The following SERPINA4 variants were observed in gnomAD, a reference collection of about 807,000 sequenced individuals.
The protein encoded by SERPINA4 is kallistatin.
In SERPINA4, 24 loss-of-function variants were observed where a neutral mutation model predicts 25.4. The ratio of observed to expected loss-of-function variants is 0.95; its 90% CI spans 0.69 to 1.33. The LOEUF is 1.33. Among genes scored for constraint, SERPINA4 ranks in the 40% most tolerant of loss-of-function variants. SERPINA4 has a pLI of 0.00. For synonymous variants in SERPINA4, 242 were observed against 223.6 expected (o/e 1.08, Z -0.73); for missense variants, 553 against 535.8 (o/e 1.03, Z -0.32).
intron 4 of SERPINA4, among the ~76,000 whole-genome samples, chr14:94,568,785 C>A (rs1259542680): frequency 6.6e-6 from 1 of 150,766 alleles, no homozygotes; most frequent in Admixed American, 6.6e-5. Flanking sequence ...TTGCTTGAGC[C>A]TGGGAGGCAG....
At chr14:94,567,951 C>T (rs926020689) in intron 3 of SERPINA4, among the ~76,000 whole-genome samples, 178 bp from the exon 4 acceptor site, 3 of 152,200 alleles carry the variant, frequency 2.0e-5, no homozygotes, top group Admixed American at 6.5e-5. Context: ...GGCCTGGGTA[C>T]AAAGGAACCT....
chr14:94,563,944 A>C lies in SERPINA4; in HGVS notation c.462A>C (p.Lys154Asn), dbSNP rs1377144009. Residue 154 changes from lysine (K) to asparagine (N), a missense_variant, in exon 2 of 5, where the codon AAA becomes AAC. By Grantham distance (94) the Lys-to-Asn change is moderately conservative (BLOSUM62 0). Transcript: ENST00000557004. ...FLSHNLKFLA[K>N]FLNDTMAVYE... ...GCCACAACCTGAAGTTCCTTGCAAAATTCCTGAATGACACCATGGCCGTCT... is the reference window on the plus strand; with the variant it reads ...GCCACAACCTGAAGTTCCTTGCAAACTTCCTGAATGACACCATGGCCGTCT... 6.2e-7 allele frequency: 1 copy of C among 1,614,190 alleles called. No homozygotes were observed. The highest frequency in any genetic ancestry group is 1.3e-5 in the African/African-American group (1 of 75,036).
intron 3 of SERPINA4, among the ~76,000 whole-genome samples, chr14:94,567,510 G>A (rs1272405880): frequency 6.6e-6 from 1 of 152,162 alleles, no homozygotes; most frequent in African/African-American, 2.4e-5. Context: ...CACAAGACTT[G>A]GGTCAAGTGA....
intron 1 of SERPINA4, 151 bp downstream of exon 1, chr14:94,561,645 C>G: frequency 1.6e-6 from 2 of 1,283,168 alleles, no homozygotes; most frequent in Non-Finnish European, 2.0e-6. Flanking sequence ...CTTTGTCACT[C>G]TTGCTAGAGG....
rs772158328 is a variant in SERPINA4 at position 94,567,232 on chromosome 14, G to A, written c.912G>A (p.Leu304=). Residue 304 remains leucine, a synonymous_variant, in exon 3 of 5, where the codon TTG becomes TTA. Transcript: ENST00000557004. ...AGATGCTAATGAGGTGGAACAACTT[G>A]TTGCGGAAGAGGTAATCAGTGTGCT... ...TPEMLMRWNN[L]LRKRNFYKKL... is the part of the protein sequence containing the mutation. 1.2e-6 allele frequency: 2 copies of A among 1,613,290 alleles called. No individual in the cohort carries two copies. The highest frequency in any genetic ancestry group is 2.7e-5 in the African/African-American group (2 of 74,922).
chr14:94,562,226 T>C (rs555437095), intron 1 of SERPINA4, among the ~76,000 whole-genome samples: 44 of 151,910 alleles, frequency 2.9e-4, no homozygotes, highest in African/African-American at 1.0e-3. Context: ...CACAGCAGAG[T>C]TGGGTAGTGG....
intron 3 of SERPINA4, among the ~76,000 whole-genome samples, chr14:94,567,769 T>C (rs1902265513): frequency 6.6e-6 from 1 of 152,110 alleles, no homozygotes; most frequent in Admixed American, 6.5e-5. Flanking sequence ...GAGAATCCAA[T>C]CCAAAGAAAT....
chr14:94,566,405 C>T (rs1259073665), intron 2 of SERPINA4, among the ~76,000 whole-genome samples: 1 of 152,206 alleles, frequency 6.6e-6, no homozygotes, highest in Non-Finnish European at 1.5e-5. Flanking sequence ...CAAATGTCCT[C>T]CCCACTCATG....
chr14:94,562,362 A>T (rs943729706), intron 1 of SERPINA4, among the ~76,000 whole-genome samples: 3 of 152,174 alleles, frequency 2.0e-5, no homozygotes, highest in Non-Finnish European at 4.4e-5. Flanking sequence ...AACCTACAGG[A>T]GAGTCTAGGA....
intron 3 of SERPINA4, 145 bp downstream of exon 3, chr14:94,567,388 T>G: frequency 1.1e-6 from 1 of 887,614 alleles, no homozygotes; most frequent in South Asian, 1.8e-5. Flanking sequence ...TGGGCTTCCT[T>G]TAAATGATGA....
rs33940669 is a variant in SERPINA4, at chr14:94,568,867, CA to C, written c.1084-513del. 4.5e-3 allele frequency among the ~76,000 whole-genome samples: 368 copies of C among 81,182 alleles called. 4 individuals are homozygous for C. The highest frequency in any genetic ancestry group is 0.037 in the Middle Eastern group (4 of 108). 53.3% of individuals were successfully genotyped at this position (81,182 alleles called of 152,430 possible). A position where few individuals can be genotyped will look rare whatever the true frequency, so the allele number is the denominator to read the frequency against. ...TGACAAAGTGAGTGAGACTCCATCT[CA>C]AAAAAAAAAAAAAAGAAAAAATAGA... On this transcript the variant is annotated intron_variant, in intron 4 of 4. Transcript: ENST00000557004.
intron 1 of SERPINA4, 38 bp downstream of exon 1, chr14:94,561,532 T>C (rs1346228941): frequency 1.9e-5 from 12 of 622,848 alleles, no homozygotes; most frequent in Non-Finnish European, 2.6e-5. Context: ...CGAGAGACTC[T>C]AGAGGGAGGG....
At position 94,568,358 on chromosome 14, in the gene SERPINA4, T is replaced by C; in HGVS notation, c.1083+70T>C. 2 of 1,536,270 alleles carry C rather than the reference T, an allele frequency of 1.3e-6. 1 individual carries two copies. The highest frequency in any genetic ancestry group is 2.3e-5 in the South Asian group (2 of 86,266). ...AGTGCCCATGGGAGCTGCCAGGCGATGGGGCTCCCAAGCTGCCACATGGAG... is the reference window on the plus strand; with the variant it reads ...AGTGCCCATGGGAGCTGCCAGGCGACGGGGCTCCCAAGCTGCCACATGGAG... On this transcript the variant is annotated intron_variant, in intron 4 of 4. Coordinates refer to ENST00000557004, the MANE Select transcript of SERPINA4 (RefSeq NM_006215.4).
rs766757840 is a variant in SERPINA4 at position 94,567,263 on chromosome 14, G to A, written c.923+20G>A. The A allele has an allele frequency of 5.6e-6, 9 of 1,603,116 alleles. No homozygotes were observed. The highest frequency in any genetic ancestry group is 7.7e-6 in the Non-Finnish European group (9 of 1,175,744). On this transcript the variant is annotated intron_variant, in intron 3 of 4. Transcript: ENST00000557004. Reference sequence around the variant, plus strand: ...GAAGAGGTAATCAGTGTGCTATGGGGGCTGAATCTACAGTACTATCCATCA... The same window carrying A: ...GAAGAGGTAATCAGTGTGCTATGGGAGCTGAATCTACAGTACTATCCATCA...
chr14:94,563,741 G>T lies in SERPINA4; in HGVS notation c.259G>T (p.Ala87Ser). The T allele has an allele frequency of 6.2e-7, 1 of 1,613,994 alleles. No individual in the cohort carries two copies. Reference protein sequence around the residue: ...FSPLSISAAYAMLSLGACSHS... With the variant: ...FSPLSISAAYSMLSLGACSHS... ...CCCGCTGAGCATCTCGGCGGCCTAC[G>T]CCATGCTTTCCCTGGGGGCCTGCTC... Residue 87 changes from alanine to serine, a missense_variant, in exon 2 of 5, where the codon GCC (alanine) becomes TCC (serine). Transcript: ENST00000557004.
chr14:94,563,343 G>GCCCA (rs1430103784), intron 1 of SERPINA4, 123 bp from the exon 2 acceptor site: 15 of 968,216 alleles, frequency 1.5e-5, no homozygotes, highest in Admixed American at 9.2e-5. Flanking sequence ...CCTTTCACAA[G>GCCCA]CCCATCTGCA....
chr14:94,561,948 G>A, intron 1 of SERPINA4: 1 of 1,195,906 alleles, frequency 8.4e-7, no homozygotes, highest in Non-Finnish European at 1.1e-6. Context: ...CAAGGGTCTA[G>A]GTCAGGGGTC....
At chr14:94,561,914 G>A in intron 1 of SERPINA4, 1 of 1,273,976 alleles carries the variant, frequency 7.8e-7, no homozygotes, top group South Asian at 1.3e-5. Context: ...AGAACAGAGA[G>A]CAGAAAGACT....
chr14:94,562,614 C>A (rs1595062318), intron 1 of SERPINA4, among the ~76,000 whole-genome samples: 2 of 152,066 alleles, frequency 1.3e-5, no homozygotes, highest in East Asian at 1.9e-4. Flanking sequence ...AACAAACAAA[C>A]AAACAACCAA....
Sources: allele counts gnomAD v4.1 joint callset (sites outside exome capture counted in the v4.1 genomes callset), GRCh38; gene constraint gnomAD v4.1.1; transcripts MANE v1.5; gene names NCBI Gene and HGNC (gene_info 2026-07-23, HGNC 2026-07-21).